QARS1: variants seen among roughly 807,000 people sequenced by gnomAD.
QARS1 encodes glutamine--tRNA ligase.
QARS1 carries 79 observed loss-of-function variants against 106.9 expected under a neutral mutation model. The ratio of observed to expected loss-of-function variants is 0.74; its 90% CI spans 0.62 to 0.89. The LOEUF (loss-of-function observed/expected upper bound fraction) is 0.89. QARS1 is among the 40% of genes least tolerant of loss of function. QARS1 has a pLI of 0.00. For synonymous variants in QARS1, 395 were observed against 367.7 expected (o/e 1.07, Z -0.85); for missense variants, 966 against 997.2 (o/e 0.97, Z 0.42).
At chr3:49,102,100 A>G in intron 7 of QARS1, 105 bp downstream of exon 7, 1 of 1,452,596 alleles carries the variant, frequency 6.9e-7, no homozygotes, top group Non-Finnish European at 9.6e-7. Context: ...GACAGAAGTC[A>G]GGGTACTGAG....
rs752425241 is a variant in QARS1 at position 49,102,221 on chromosome 3, C to T, written c.615G>A (p.Lys205=). The T allele has an allele frequency of 1.2e-6, 2 of 1,614,234 alleles. No homozygotes were observed. The highest frequency in any genetic ancestry group is 1.7e-6 in the Non-Finnish European group (2 of 1,180,044). ...RLEETDRRTA[K]DVVENGETAD... is the part of the protein sequence containing the mutation. ...GCTTCTCACCATTCTCCACCACATC[C>T]TTTGCCGTCCTCCGGTCTGTTTCTT... The change falls in exon 7 of 24, where the codon AAG becomes AAA. Residue 205 remains lysine, a synonymous_variant. Transcript: ENST00000306125.
At chr3:49,101,222 TG>T in intron 10 of QARS1, 132 bp downstream of exon 10, 1 of 681,792 alleles carries the variant, frequency 1.5e-6, no homozygotes, top group Non-Finnish European at 2.6e-6. Context: ...CTGTCACACA[TG>T]TGGTTCCTTT....
intron 6 of QARS1, 57 bp downstream of exon 6, chr3:49,102,362 G>T: frequency 1.2e-6 from 2 of 1,612,778 alleles, no homozygotes; most frequent in Non-Finnish European, 1.7e-6. Context: ...TCCCCAGCCT[G>T]AAGTCTCACC....
Position 49,098,528 on chromosome 3 carries a change from C to G in QARS1, c.1957-48G>C, listed in dbSNP as rs13064784. ...AGCAATTAGACCCGGGAACCACAAC[C>G]AGGACTGCAGGCTATACTCACATCT... is the stretch of plus-strand genomic sequence containing the variant. On this transcript the variant is annotated intron_variant, in intron 20 of 23. Transcript: ENST00000306125. 0.68 allele frequency: 1,096,289 copies of G among 1,612,892 alleles called. 378,641 individuals are homozygous for G. Among genetic ancestry groups the G allele is most frequent in the East Asian group, 0.96 (42,922 of 44,864 alleles).
intron 23 of QARS1, among the ~76,000 whole-genome samples, chr3:49,097,669 G>A (rs997122924): frequency 3.3e-5 from 5 of 151,908 alleles, no homozygotes; most frequent in Non-Finnish European, 5.9e-5. Flanking sequence ...GGTGGCAGGC[G>A]CCTGTAATCC....
At chr3:49,101,266 G>A in intron 10 of QARS1, 89 bp downstream of exon 10, 2 of 1,023,056 alleles carry the variant, frequency 2.0e-6, no homozygotes, top group South Asian at 1.5e-5. Context: ...TACATTATTG[G>A]GAGCAGACAG....
rs773305704 is a variant in QARS1, at chr3:49,099,805, G to A, written c.1344C>T (p.Ile448=). The A allele has an allele frequency of 1.4e-5, 22 of 1,613,888 alleles. No homozygotes were observed. The highest frequency in any genetic ancestry group is 9.9e-5 in the South Asian group (9 of 91,090). Reference sequence around the variant, plus strand: ...TGCAGAGTGAGTGAGTGATGTGCTCGATGGAGTCACAGAGGCAGTGTGTGT... The same window carrying A: ...TGCAGAGTGAGTGAGTGATGTGCTCAATGGAGTCACAGAGGCAGTGTGTGT... ...YDYTHCLCDS[I]EHITHSLCTK... The change falls in exon 15 of 24, where the codon ATC becomes ATT. Residue 448 remains isoleucine, a synonymous_variant. Coordinates refer to ENST00000306125, the MANE Select transcript of QARS1 (RefSeq NM_005051.3).
At chr3:49,097,929 G>C in intron 23 of QARS1, 63 bp downstream of exon 23, 1 of 1,602,916 alleles carries the variant, frequency 6.2e-7, no homozygotes, top group Non-Finnish European at 8.5e-7. Flanking sequence ...CAGAGCACTT[G>C]GCACAATGAA....
In QARS1 at chr3:49,099,970, CCT is replaced by C. The variant is rs775652214; in HGVS notation, c.1284_1285del (p.Asp430GlnfsTer16). 31 of 1,614,088 alleles carry C rather than the reference CCT, an allele frequency of 1.9e-5. No homozygotes were observed. The Admixed American group carries it at 2.2e-4, about 11-fold the overall frequency. ...CCCATTCTACACCCACCATTTGTCC[CCT>C]GTGCGGTGGTGTGGTGTATACTTGA... On this transcript the variant is annotated frameshift_variant, in exon 14 of 24. Coordinates refer to ENST00000306125, the MANE Select transcript of QARS1 (RefSeq NM_005051.3). LOFTEE classifies it high-confidence loss of function.
At position 49,099,324 on chromosome 3, in the gene QARS1, C is replaced by A; in HGVS notation, c.1614+20G>T. ...CCACACTCAACCCCCAATGTATCTA[C>A]CCAACCTGCTGGGCTATACCCGGGC... On this transcript the variant is annotated intron_variant, in intron 17 of 23. Transcript: ENST00000306125. 1 of 1,614,176 alleles carries A rather than the reference C, an allele frequency of 6.2e-7. No homozygotes were observed. Among genetic ancestry groups the A allele is most frequent in the Non-Finnish European group, 8.5e-7 (1 of 1,180,008 alleles).
rs375725197 is a variant in QARS1 at position 49,103,366 on chromosome 3, G to A, written c.495C>T (p.Ile165=). 88 of 1,613,896 alleles carry A rather than the reference G, an allele frequency of 5.5e-5. No individual in the cohort carries two copies. Among genetic ancestry groups the A allele is most frequent in the Non-Finnish European group, 7.2e-5 (85 of 1,180,032 alleles). ...TCACCTGCATGTCCACTTCATTCTT[G>A]ATCATTTTGCCATCTGCCCACTTCA... is the stretch of plus-strand genomic sequence containing the variant. ...AVLKWADGKM[I]KNEVDMQVLH... Residue 165 remains isoleucine, a synonymous_variant, in exon 5 of 24, where the codon ATC becomes ATT. Transcript: ENST00000306125.
chr3:49,097,923 G>A, intron 23 of QARS1, 69 bp downstream of exon 23: 3 of 1,595,050 alleles, frequency 1.9e-6, no homozygotes. Flanking sequence ...TGTATGCAGA[G>A]CACTTGGCAC....
At chr3:49,104,211 G>A in intron 2 of QARS1, 113 bp downstream of exon 2, 9 of 1,471,514 alleles carry the variant, frequency 6.1e-6, no homozygotes, top group Non-Finnish European at 8.5e-6. Context: ...CTCAGTGCCT[G>A]TGCAGAACTA....
intron 11 of QARS1, 49 bp downstream of exon 11, chr3:49,100,525 AG>A: frequency 6.3e-7 from 1 of 1,596,174 alleles, no homozygotes; most frequent in South Asian, 1.1e-5. Flanking sequence ...CCATGGCCCA[AG>A]GAGAGGCCCA....
chr3:49,102,683 C>A, intron 5 of QARS1: 1 of 630,692 alleles, frequency 1.6e-6, no homozygotes, highest in South Asian at 1.6e-5. Context: ...CTCATGTTGC[C>A]CAGGCTGGAA....
chr3:49,098,638 G>A lies in QARS1; in HGVS notation c.1918C>T (p.His640Tyr). 6.2e-7 allele frequency: 1 copy of A among 1,611,510 alleles called. No homozygotes were observed. Among genetic ancestry groups the A allele is most frequent in the African/African-American group, 1.3e-5 (1 of 74,980 alleles). The change falls in exon 20 of 24, where the codon CAT becomes TAT. Residue 640 changes from histidine (H) to tyrosine (Y), a missense_variant. Transcript: ENST00000306125. ...TGCAGCTCAATGACGTAGCCTGTATGCCTCAGGCCCACAGGCTGGCCCCAA... is the reference window on the plus strand; with the variant it reads ...TGCAGCTCAATGACGTAGCCTGTATACCTCAGGCCCACAGGCTGGCCCCAA... ...LAWGQPVGLRHTGYVIELQHV... is the reference protein window; with the variant it reads ...LAWGQPVGLRYTGYVIELQHV...
rs1177947963 is a variant in QARS1 at position 49,103,910 on chromosome 3, C to T, written c.328G>A (p.Glu110Lys). 5.0e-6 allele frequency: 8 copies of T among 1,614,084 alleles called. No individual in the cohort carries two copies. The highest frequency in any genetic ancestry group is 6.8e-6 in the Non-Finnish European group (8 of 1,180,034). Residue 110 changes from glutamate to lysine, a missense_variant, in exon 3 of 24, where the codon GAA becomes AAA. Physicochemically the swap from Glu to Lys is moderately conservative, Grantham distance 56. Transcript: ENST00000306125. ...DPIDTVDFERECGVGVIVTPE... is the reference protein window; with the variant it reads ...DPIDTVDFERKCGVGVIVTPE... ...GTCACAATGACACCCACGCCACATTCCCGCTCGAAGTCCACAGTGTCGATG... is the reference window on the plus strand; with the variant it reads ...GTCACAATGACACCCACGCCACATTTCCGCTCGAAGTCCACAGTGTCGATG...
rs2042383405 is a variant in QARS1, at chr3:49,095,948, T to G, written c.*81A>C. On this transcript the variant is annotated 3_prime_UTR_variant, in exon 24 of 24. Coordinates refer to ENST00000306125, the MANE Select transcript of QARS1 (RefSeq NM_005051.3). ...CACACAGACTCTAGGAGAATTTAGC[T>G]GTTCTTTATTGACATGGAATTTGGG... The G allele has an allele frequency of 7.6e-7, 1 of 1,320,150 alleles. No individual in the cohort carries two copies. Among genetic ancestry groups the G allele is most frequent in the Admixed American group, 1.9e-5 (1 of 51,986 alleles). The allele number at this position is 1,320,150 out of a possible 1,614,324, so 81.8% of individuals were successfully genotyped here. A position where few individuals can be genotyped will look rare whatever the true frequency, so the allele number is the denominator to read the frequency against.
At position 49,103,332 on chromosome 3, in the gene QARS1, G is replaced by T. The variant is rs754227489; in HGVS notation, c.516+13C>A. On this transcript the variant is annotated intron_variant, in intron 5 of 23. Transcript: ENST00000306125. ...GAGTCTTTGCCAGCTTCAGCTTAGTGAAGCACGCTCACCTGCATGTCCACT... is the reference window on the plus strand; with the variant it reads ...GAGTCTTTGCCAGCTTCAGCTTAGTTAAGCACGCTCACCTGCATGTCCACT... The T allele has an allele frequency of 1.1e-5, 18 of 1,613,618 alleles. No homozygotes were observed. The East Asian group carries it at 1.3e-4, about 12-fold the overall frequency.
Sources: gnomAD v4.1 joint callset for allele counts (sites outside exome capture counted in the v4.1 genomes callset) on GRCh38, gnomAD v4.1.1 for gene constraint, MANE v1.5 for transcripts, NCBI Gene and HGNC (gene_info 2026-07-23, HGNC 2026-07-21) for gene names.